Variants in CCDC85A observed in about 807,000 individuals in gnomAD.
CCDC85A encodes the protein coiled-coil domain-containing protein 85A.
Under a neutral mutation model 50.2 loss-of-function variants are expected in CCDC85A, and 38 were observed. The ratio of observed to expected loss-of-function variants is 0.76; its 90% CI spans 0.58 to 0.99. CCDC85A has a LOEUF of 0.99. Among genes scored for constraint, CCDC85A ranks in the 50% least tolerant of loss-of-function variants. The probability of loss-of-function intolerance (pLI) is 0.00; values close to 1 mark genes in which losing one functional copy is unlikely to be tolerated. For missense variants in CCDC85A, 820 were observed against 742.0 expected (o/e 1.11, Z -1.22); for synonymous variants, 366 against 301.4 (o/e 1.21, Z -2.22).
intron 2 of CCDC85A, among the ~76,000 whole-genome samples, chr2:56,288,469 G>A (rs1671548797): frequency 6.6e-6 from 1 of 152,064 alleles, no homozygotes; most frequent in African/African-American, 2.4e-5. Context: ...AAATAATGAA[G>A]TTATTATGAA....
chr2:56,376,978 G>C lies in CCDC85A; in HGVS notation c.1572+1043G>C, dbSNP rs188994293. On this transcript the variant is annotated intron_variant, in intron 5 of 5. Transcript: ENST00000407595. ...ATGCACAAAACAAATACATAGATGA[G>C]AACTTCAAAATGTTTATTTCACTTT... 6.4e-4 allele frequency among the ~76,000 whole-genome samples: 97 copies of C among 152,344 alleles called. 1 individual carries two copies. The highest frequency in any genetic ancestry group is 1.9e-3 in the African/African-American group (80 of 41,584).
intron 2 of CCDC85A, among the ~76,000 whole-genome samples, chr2:56,338,588 T>C (rs924337664): frequency 6.6e-6 from 1 of 152,116 alleles, no homozygotes; most frequent in East Asian, 1.9e-4. Context: ...AAGTGTTGAG[T>C]TTCTTATACT....
intron 2 of CCDC85A, among the ~76,000 whole-genome samples, chr2:56,208,321 A>G (rs956527553): frequency 3.3e-5 from 5 of 152,146 alleles, no homozygotes; most frequent in Non-Finnish European, 7.4e-5. Flanking sequence ...TATCCATACA[A>G]TGAAGTTTTA....
chr2:56,244,723 G>T (rs1669424177), intron 2 of CCDC85A, among the ~76,000 whole-genome samples: 1 of 151,882 alleles, frequency 6.6e-6, no homozygotes, highest in Non-Finnish European at 1.5e-5. Flanking sequence ...CCCACAGTGT[G>T]TATTACTTGG....
intron 2 of CCDC85A, among the ~76,000 whole-genome samples, chr2:56,272,911 A>G (rs1404797126): frequency 3.3e-5 from 5 of 151,858 alleles, no homozygotes; most frequent in Non-Finnish European, 7.4e-5. Flanking sequence ...AGCTTTCAAC[A>G]TGAAAGACAG....
chr2:56,339,668 G>A (rs1674258723), intron 2 of CCDC85A, among the ~76,000 whole-genome samples: 1 of 152,056 alleles, frequency 6.6e-6, no homozygotes, highest in Non-Finnish European at 1.5e-5. Flanking sequence ...GAACAAAAAA[G>A]AAAATAACTT....
At chr2:56,372,217 G>A (rs1233096244) in intron 3 of CCDC85A, 127 bp from the exon 4 acceptor site, 3 of 832,394 alleles carry the variant, frequency 3.6e-6, no homozygotes, top group Non-Finnish European at 5.1e-6. Flanking sequence ...AGCTACAGGT[G>A]CATGTTACAG....
chr2:56,280,590 T>G (rs1671161857), intron 2 of CCDC85A, among the ~76,000 whole-genome samples: 1 of 151,876 alleles, frequency 6.6e-6, no homozygotes, highest in Non-Finnish European at 1.5e-5. Flanking sequence ...AATCCAACAC[T>G]CCAAAGACAA....
intron 2 of CCDC85A, among the ~76,000 whole-genome samples, chr2:56,260,365 A>G (rs1670167322): frequency 6.6e-6 from 1 of 152,244 alleles, no homozygotes; most frequent in South Asian, 2.1e-4. Flanking sequence ...GGGAACCACA[A>G]GAATCTTTCC....
intron 2 of CCDC85A, chr2:56,235,340 A>G (rs1020039074): frequency 6.6e-6 from 1 of 152,158 alleles, no homozygotes; most frequent in Non-Finnish European, 1.5e-5. Flanking sequence ...CAGCATAGGT[A>G]GTTTTATATA....
intron 2 of CCDC85A, among the ~76,000 whole-genome samples, chr2:56,223,296 T>C (rs6545559): frequency 0.66 from 99,663 of 152,064 alleles, 32,877 homozygotes; most frequent in Admixed American, 0.73. Flanking sequence ...TATTTTAGAC[T>C]TTCTGTGCTG....
chr2:56,259,847 C>T (rs114166775), intron 2 of CCDC85A, among the ~76,000 whole-genome samples: 1 of 152,192 alleles, frequency 6.6e-6, no homozygotes, highest in Admixed American at 6.5e-5. Flanking sequence ...CTTGATTTCT[C>T]CTTGCCTTTC....
In CCDC85A at chr2:56,193,075, A is replaced by G. The variant is rs1415444101; in HGVS notation, c.875A>G (p.Gln292Arg). 1 of 1,613,844 alleles carries G rather than the reference A, an allele frequency of 6.2e-7. No individual in the cohort carries two copies. The highest frequency in any genetic ancestry group is 2.2e-5 in the East Asian group (1 of 44,862). Residue 292 changes from glutamine (Q) to arginine (R), a missense_variant, in exon 2 of 6, where the codon CAG becomes CGG. Gln to Arg is a conservative substitution (Grantham distance 43). Coordinates refer to ENST00000407595, the MANE Select transcript of CCDC85A (RefSeq NM_001080433.2). ...CCCTTGTGCAAGGGCAGCCCCGAAC[A>G]GCAAAGGCACCCGCATCCAGGGAGC... ...HKPLCKGSPE[Q>R]QRHPHPGSSP...
chr2:56,296,365 G>A (rs971686993), intron 2 of CCDC85A, among the ~76,000 whole-genome samples: 1 of 152,140 alleles, frequency 6.6e-6, no homozygotes, highest in Non-Finnish European at 1.5e-5. Context: ...CTACTGAAAA[G>A]TTTCTGGAAT....
chr2:56,351,269 T>A (rs1378495221), intron 3 of CCDC85A, among the ~76,000 whole-genome samples: 1 of 152,140 alleles, frequency 6.6e-6, no homozygotes, highest in Non-Finnish European at 1.5e-5. Flanking sequence ...ACATTTGGGT[T>A]AGTTCAAGTC....
chr2:56,338,040 C>T (rs1338027721), intron 2 of CCDC85A, among the ~76,000 whole-genome samples: 1 of 152,156 alleles, frequency 6.6e-6, no homozygotes, highest in Non-Finnish European at 1.5e-5. Flanking sequence ...GCCTCAGCCT[C>T]CCAAAGTGCT....
At chr2:56,269,019 A>T (rs72923468) in intron 2 of CCDC85A, among the ~76,000 whole-genome samples, 15 of 152,298 alleles carry the variant, frequency 9.8e-5, no homozygotes, top group African/African-American at 3.6e-4. Context: ...ACACTTTTCC[A>T]TAGACTAGTT....
Position 56,346,784 on chromosome 2 carries a change from A to T in CCDC85A, c.1317+3829A>T, listed in dbSNP as rs1049000498. 5.9e-5 allele frequency among the ~76,000 whole-genome samples: 9 copies of T among 152,214 alleles called. 1 individual carries two copies. Among genetic ancestry groups the T allele is most frequent in the Admixed American group, 4.6e-4 (7 of 15,278 alleles). On this transcript the variant is annotated intron_variant, in intron 3 of 5. Coordinates refer to ENST00000407595, the MANE Select transcript of CCDC85A (RefSeq NM_001080433.2). ...CTTCCGAGCACATGAACAAATGGGA[A>T]CATTTTTTACAGATCACAGTTAAAT...
intron 3 of CCDC85A, among the ~76,000 whole-genome samples, chr2:56,367,957 A>C (rs1675884676): frequency 6.6e-6 from 1 of 152,198 alleles, no homozygotes; most frequent in Admixed American, 6.5e-5. Flanking sequence ...CAGAAAGGCC[A>C]TATAGCTTGT....
Sources: gnomAD v4.1 joint callset for allele counts (sites outside exome capture counted in the v4.1 genomes callset) on GRCh38, gnomAD v4.1.1 for gene constraint, MANE v1.5 for transcripts, NCBI Gene and HGNC (gene_info 2026-07-23, HGNC 2026-07-21) for gene names.